OTOGL: variants seen among roughly 807,000 people sequenced by gnomAD.
OTOGL encodes otogelin-like protein.
OTOGL carries 285 observed loss-of-function variants against 318.5 expected under a neutral mutation model. The observed-to-expected ratio is 0.89, with a 90% CI of 0.81 to 0.99. OTOGL has a LOEUF of 0.99. OTOGL is among the 50% of genes least tolerant of loss of function. The pLI is 0.00. For missense variants in OTOGL, 2,899 were observed against 2,845.6 expected (o/e 1.02, Z -0.43); for synonymous variants, 987 against 936.5 (o/e 1.05, Z -0.99).
At chr12:80,192,191 G>A (rs1389194813) in intron 1 of OTOGL, among the ~76,000 whole-genome samples, 1 of 152,168 alleles carries the variant, frequency 6.6e-6, no homozygotes, top group Non-Finnish European at 1.5e-5. Flanking sequence ...AGATCAGTAG[G>A]ACAAGTCAGA....
intron 12 of OTOGL, 78 bp from the exon 13 acceptor site, chr12:80,251,997 TA>T: frequency 7.2e-7 from 1 of 1,380,806 alleles, no homozygotes; most frequent in Non-Finnish European, 9.5e-7. Flanking sequence ...TTATTTTTTG[TA>T]AAAAATAAAA....
chr12:80,273,161 T>G (rs1244663449), intron 24 of OTOGL, among the ~76,000 whole-genome samples: 1 of 152,134 alleles, frequency 6.6e-6, no homozygotes, highest in Non-Finnish European at 1.5e-5. Context: ...TCCTCCTACC[T>G]TCTCTGACTG....
intron 26 of OTOGL, among the ~76,000 whole-genome samples, chr12:80,282,114 A>G (rs1327003616): frequency 6.6e-6 from 1 of 151,844 alleles, no homozygotes; most frequent in Non-Finnish European, 1.5e-5. Context: ...TTTAGGCATT[A>G]CTGATCACAG....
At chr12:80,369,055 A>G (rs894591225) in intron 55 of OTOGL, among the ~76,000 whole-genome samples, 1 of 151,970 alleles carries the variant, frequency 6.6e-6, no homozygotes. Flanking sequence ...ATATATTTTT[A>G]TTATGTACAA....
chr12:80,235,486 A>G (rs559776821), intron 9 of OTOGL, among the ~76,000 whole-genome samples: 2,650 of 151,442 alleles, frequency 0.017, 49 homozygotes, highest in Non-Finnish European at 0.027. Context: ...AAAAAAAAAA[A>G]AAAGAAAGAC....
At chr12:80,304,048 C>T (rs1592681028) in intron 28 of OTOGL, among the ~76,000 whole-genome samples, 1 of 152,200 alleles carries the variant, frequency 6.6e-6, no homozygotes, top group East Asian at 1.9e-4. Flanking sequence ...ATAGTTTTGT[C>T]TTTCTCAGAT....
chr12:80,217,988 A>C (rs185390906), intron 5 of OTOGL, among the ~76,000 whole-genome samples: 1 of 152,332 alleles, frequency 6.6e-6, no homozygotes, highest in Admixed American at 6.5e-5. Flanking sequence ...TCCATTAAGC[A>C]GAATGCTGAT....
chr12:80,290,022 G>C (rs1433552010), intron 26 of OTOGL, among the ~76,000 whole-genome samples: 1 of 152,202 alleles, frequency 6.6e-6, no homozygotes, highest in African/African-American at 2.4e-5. Flanking sequence ...TGGGGCCCTG[G>C]TGTCGTAGGC....
At chr12:80,256,186 A>T (rs1882019416) in intron 16 of OTOGL, 151 bp from the exon 17 acceptor site, 1 of 970,272 alleles carries the variant, frequency 1.0e-6, no homozygotes, top group Non-Finnish European at 1.4e-6. Context: ...TTTATATATT[A>T]GAAATTCTAA....
intron 11 of OTOGL, among the ~76,000 whole-genome samples, chr12:80,247,627 A>C (rs1353578185): frequency 1.3e-5 from 1 of 76,904 alleles, no homozygotes; most frequent in African/African-American, 6.9e-5. Context: ...GTGCTGAAAA[A>C]AATGTATATT....
intron 1 of OTOGL, among the ~76,000 whole-genome samples, chr12:80,150,206 TA>T (rs1254165591): frequency 3.3e-5 from 5 of 152,234 alleles, no homozygotes; most frequent in African/African-American, 1.2e-4. Flanking sequence ...CTCTCTAGAA[TA>T]TTTTTTTTCT....
intron 29 of OTOGL, among the ~76,000 whole-genome samples, chr12:80,308,262 C>G (rs1469894357): frequency 6.6e-6 from 1 of 150,846 alleles, no homozygotes; most frequent in East Asian, 2.0e-4. Context: ...GGGCGGCTGC[C>G]GGGCGGAGGG....
intron 1 of OTOGL, among the ~76,000 whole-genome samples, chr12:80,177,273 G>T (rs7954359): frequency 6.6e-6 from 1 of 152,052 alleles, no homozygotes; most frequent in African/African-American, 2.4e-5. Flanking sequence ...TCCACGACCC[G>T]TTTCAAGTTA....
rs1891359493 is a variant in OTOGL at position 80,379,640 on chromosome 12, T to C, written c.*1592T>C. ...TATTAATATTTCACTTAAGAGAAAA[T>C]GTTATGTATTTCAAATAGAAGTAAC... is the stretch of plus-strand genomic sequence containing the variant. On this transcript the variant is annotated 3_prime_UTR_variant, in exon 59 of 59. Coordinates refer to ENST00000547103, the MANE Select transcript of OTOGL (RefSeq NM_001378609.3). 1 of 151,720 alleles carries C rather than the reference T, an allele frequency of 6.6e-6. No homozygotes were observed. The highest frequency in any genetic ancestry group is 2.1e-4 in the South Asian group (1 of 4,834). 9.4% of individuals were successfully genotyped at this position (151,720 alleles called of 1,614,324 possible).
At chr12:80,291,925 A>G (rs762049481) in intron 26 of OTOGL, among the ~76,000 whole-genome samples, 3 of 152,240 alleles carry the variant, frequency 2.0e-5, no homozygotes, top group Non-Finnish European at 2.9e-5. Flanking sequence ...GTTGTAAGCT[A>G]TAAATAGCTC....
At chr12:80,181,085 T>G (rs1005227479) in intron 1 of OTOGL, among the ~76,000 whole-genome samples, 1 of 152,212 alleles carries the variant, frequency 6.6e-6, no homozygotes, top group African/African-American at 2.4e-5. Context: ...CAGGTATAAC[T>G]AGTTTGAGCT....
intron 4 of OTOGL, among the ~76,000 whole-genome samples, chr12:80,217,054 A>G (rs1452706206): frequency 6.6e-6 from 1 of 152,356 alleles, no homozygotes; most frequent in African/African-American, 2.4e-5. Context: ...GCACCGAAAC[A>G]GCAGATGCTT....
intron 1 of OTOGL, among the ~76,000 whole-genome samples, chr12:80,117,489 C>A (rs118063643): frequency 0.013 from 2,000 of 152,282 alleles, 15 homozygotes; most frequent in Non-Finnish European, 0.02. Flanking sequence ...TAACTCATTT[C>A]TTTCCCATTA....
intron 1 of OTOGL, among the ~76,000 whole-genome samples, chr12:80,147,350 T>G (rs1165136499): frequency 6.8e-6 from 1 of 146,994 alleles, no homozygotes; most frequent in Non-Finnish European, 1.5e-5. Flanking sequence ...TCAGTTTCCA[T>G]GTAGTTGAGC....
Sources: gnomAD v4.1 joint callset for allele counts (sites outside exome capture counted in the v4.1 genomes callset) on GRCh38, gnomAD v4.1.1 for gene constraint, MANE v1.5 for transcripts, NCBI Gene and HGNC (gene_info 2026-07-23, HGNC 2026-07-21) for gene names.